AAMDC: variants seen among roughly 807,000 people sequenced by gnomAD.
The protein encoded by AAMDC is adipogenesis associated Mth938 domain containing.
Under a neutral mutation model 15.5 loss-of-function variants are expected in AAMDC, and 16 were observed. The ratio of observed to expected loss-of-function variants is 1.03; its 90% CI spans 0.70 to 1.57. AAMDC has a LOEUF of 1.57. AAMDC is among the 40% of genes most tolerant of loss of function. The pLI, the probability that AAMDC is intolerant of heterozygous loss-of-function variation, is 0.00. For synonymous variants in AAMDC, 51 were observed against 51.6 expected (o/e 0.99, Z 0.05); for missense variants, 141 against 144.9 (o/e 0.97, Z 0.14).
At chr11:77,864,570 ACT>A (rs957932298) in intron 2 of AAMDC, among the ~76,000 whole-genome samples, 1 of 152,258 alleles carries the variant, frequency 6.6e-6, no homozygotes, top group Admixed American at 6.5e-5. Flanking sequence ...CTAGAAATAA[ACT>A]CAGTGAGTCA....
chr11:77,889,026 AG>A (rs1238693772), intron 5 of AAMDC, among the ~76,000 whole-genome samples: 1 of 152,234 alleles, frequency 6.6e-6, no homozygotes, highest in East Asian at 1.9e-4. Flanking sequence ...GCAATTCCTC[AG>A]GGATCTAGAA....
chr11:77,824,011 C>T (rs916140358), intron 1 of AAMDC, among the ~76,000 whole-genome samples: 2 of 152,104 alleles, frequency 1.3e-5, no homozygotes. Context: ...GAGTTTCTGC[C>T]TTTTCTAATC....
At chr11:77,874,410 G>C (rs949341572), downstream of AAMDC, among the ~76,000 whole-genome samples, 3 of 150,368 alleles carry the variant, frequency 2.0e-5, no homozygotes, top group Admixed American at 6.6e-5. Flanking sequence ...AGGTGAGACA[G>C]CTCTGGTGGG....
At chr11:77,823,428 C>T (rs1302988329) in intron 1 of AAMDC, among the ~76,000 whole-genome samples, 1 of 151,476 alleles carries the variant, frequency 6.6e-6, no homozygotes, top group African/African-American at 2.4e-5. Context: ...GACCTGAAGA[C>T]TCCAGTTTAA....
Position 77,869,306 on chromosome 11 carries a change from C to CTTTT in AAMDC, c.133-414_133-411dup, listed in dbSNP as rs1358517135. Reference sequence around the variant, plus strand: ...TTTCCCGGATTTCGTTTATTTATCTCTTTTTCTTTTTTTTTTTTTTTTTTT... The same window carrying CTTTT: ...TTTCCCGGATTTCGTTTATTTATCTCTTTTTTTTTCTTTTTTTTTTTTTTTTTTT... On this transcript the variant is annotated intron_variant, in intron 2 of 3. Transcript: ENST00000393427. The CTTTT allele has an allele frequency of 9.0e-4, 108 of 120,432 alleles. 2 individuals are homozygous for CTTTT. The highest frequency in any genetic ancestry group is 3.3e-3 in the African/African-American group (103 of 30,870). The allele number at this position is 120,432 out of a possible 1,614,324, so 7.5% of individuals were successfully genotyped here. A position where few individuals can be genotyped will look rare whatever the true frequency, so the allele number is the denominator to read the frequency against.
intron 5 of AAMDC, among the ~76,000 whole-genome samples, chr11:77,887,163 A>G (rs1952049630): frequency 6.6e-6 from 1 of 152,236 alleles, no homozygotes; most frequent in South Asian, 2.1e-4. Flanking sequence ...TCCACCACCA[A>G]AAATCCTCAA....
chr11:77,829,524 A>G (rs914133503), intron 1 of AAMDC: 10 of 152,170 alleles, frequency 6.6e-5, no homozygotes, highest in African/African-American at 2.4e-4. Context: ...TAGTTTTTGC[A>G]ACAAATGATG....
Position 77,896,106 on chromosome 11 carries a change from T to A in AAMDC, c.329-4465T>A, listed in dbSNP as rs566523405. On this transcript the variant is annotated intron_variant, in intron 5 of 5. Transcript: ENST00000304716. The stretch of plus-strand genomic sequence containing the variant: ...GGCAAGAAAGCACAGAAAACTTTTT[T>A]AAAAATTCTAATCAACAACCTCGGT... 4.8e-4 allele frequency among the ~76,000 whole-genome samples: 73 copies of A among 152,258 alleles called. No homozygotes were observed. The East Asian group carries it at 0.012, about 25-fold the overall frequency.
intron 2 of AAMDC, among the ~76,000 whole-genome samples, chr11:77,857,199 A>C (rs1464493505): frequency 6.6e-6 from 1 of 152,236 alleles, no homozygotes; most frequent in Non-Finnish European, 1.5e-5. Context: ...GCCACGGTAG[A>C]TGAACCAAGA....
chr11:77,890,853 T>A (rs186322502), intron 5 of AAMDC, among the ~76,000 whole-genome samples: 260 of 152,344 alleles, frequency 1.7e-3, no homozygotes, highest in Non-Finnish European at 2.1e-3. Flanking sequence ...TTCTCATGTG[T>A]CTCTATTACA....
intron 1 of AAMDC, among the ~76,000 whole-genome samples, chr11:77,833,009 A>T (rs11237309): frequency 0.085 from 5,067 of 59,766 alleles, 719 homozygotes; most frequent in South Asian, 0.13. Context: ...ATATATATAT[A>T]TTTTTTTTTT....
At chr11:77,887,994 C>T (rs1048127520) in intron 5 of AAMDC, among the ~76,000 whole-genome samples, 2 of 152,194 alleles carry the variant, frequency 1.3e-5, no homozygotes, top group Non-Finnish European at 2.9e-5. Flanking sequence ...AATGGCCATA[C>T]TGCCCAAGGT....
At chr11:77,887,632 G>A (rs565170904) in intron 5 of AAMDC, among the ~76,000 whole-genome samples, 17 of 152,260 alleles carry the variant, frequency 1.1e-4, no homozygotes, top group Non-Finnish European at 5.9e-5. Flanking sequence ...AAGTCAAATT[G>A]TCCCTGTTTG....
chr11:77,900,511 G>C (rs1182068488), intron 5 of AAMDC: 2 of 607,000 alleles, frequency 3.3e-6, no homozygotes, highest in Non-Finnish European at 5.9e-6. Context: ...GACCTAGTAT[G>C]TTTCTGTGTT....
At chr11:77,842,454 T>C in intron 1 of AAMDC, 25 bp from the exon 2 acceptor site, 1 of 1,602,714 alleles carries the variant, frequency 6.2e-7, no homozygotes, top group Non-Finnish European at 8.5e-7. Flanking sequence ...ATAACTGATT[T>C]AGTATATTTT....
intron 2 of AAMDC, chr11:77,850,798 A>G (rs988961189): frequency 6.6e-6 from 1 of 151,650 alleles, no homozygotes; most frequent in African/African-American, 2.4e-5. Flanking sequence ...ACACACACAC[A>G]CACACACATA....
chr11:77,881,193 G>A (rs1043151842), intron 5 of AAMDC, among the ~76,000 whole-genome samples: 2 of 152,184 alleles, frequency 1.3e-5, no homozygotes, highest in African/African-American at 4.8e-5. Flanking sequence ...CTCCTAGCAG[G>A]TTTATATTCT....
chr11:77,833,351 G>A (rs1169356460), intron 1 of AAMDC, among the ~76,000 whole-genome samples: 1 of 152,038 alleles, frequency 6.6e-6, no homozygotes, highest in Non-Finnish European at 1.5e-5. Context: ...GGGAGTGATG[G>A]GAGACAGTGA....
At chr11:77,898,879 G>A (rs987318423) in intron 5 of AAMDC, among the ~76,000 whole-genome samples, 2 of 152,096 alleles carry the variant, frequency 1.3e-5, no homozygotes, top group African/African-American at 2.4e-5. Flanking sequence ...AATTAGCTGA[G>A]TGTGGTGACA....
Sources: allele counts gnomAD v4.1 joint callset (sites outside exome capture counted in the v4.1 genomes callset), GRCh38; gene constraint gnomAD v4.1.1; transcripts MANE v1.5; gene names NCBI Gene and HGNC (gene_info 2026-07-23, HGNC 2026-07-21).